The following ADGRV1 variants were observed in gnomAD, a reference collection of about 807,000 sequenced individuals.
ADGRV1 encodes G-protein coupled receptor 98.
In ADGRV1, 359 loss-of-function variants were observed where a neutral mutation model predicts 596.2. The ratio of observed to expected loss-of-function variants is 0.60; its 90% CI spans 0.55 to 0.66. ADGRV1 has a LOEUF of 0.66. ADGRV1 is among the 30% of genes least tolerant of loss of function. The probability of loss-of-function intolerance (pLI) is 0.00; values close to 1 mark genes in which losing one functional copy is unlikely to be tolerated. For synonymous variants in ADGRV1, 2,681 were observed against 2,679.2 expected (o/e 1.00, Z -0.02); for missense variants, 7,274 against 7,575.6 (o/e 0.96, Z 1.48).
intron 83 of ADGRV1, among the ~76,000 whole-genome samples, chr5:90,964,788 A>AAG (rs146609101): frequency 2.6e-5 from 4 of 151,048 alleles, no homozygotes; most frequent in Admixed American, 6.6e-5. Flanking sequence ...CTGGTTAAAA[A>AAG]AGAGAGAGAG....
rs1780497298 is a variant in ADGRV1 at position 90,986,273 on chromosome 5, T to C, written c.18152+751T>C. Among the ~76,000 whole-genome samples, 3 of 151,710 alleles carry C rather than the reference T, an allele frequency of 2.0e-5. No individual in the cohort carries two copies. The South Asian group carries it at 6.2e-4, about 32-fold the overall frequency. On this transcript the variant is annotated intron_variant, in intron 85 of 89. Coordinates refer to ENST00000405460, the MANE Select transcript of ADGRV1 (RefSeq NM_032119.4). ...ATAAGGAAGAGAAAAAGTAGAATTC[T>C]AAATAAGAAAAAATAGCCTATTCAC...
chr5:90,862,412 G>A (rs1767692436), intron 82 of ADGRV1, among the ~76,000 whole-genome samples: 1 of 151,944 alleles, frequency 6.6e-6, no homozygotes, highest in African/African-American at 2.4e-5. Flanking sequence ...GCACAGGCAT[G>A]CACATTCACA....
At position 90,689,848 on chromosome 5, in the gene ADGRV1, T is replaced by C. The variant is rs565953337; in HGVS notation, c.6491-13T>C. 6.3e-7 allele frequency: 1 copy of C among 1,586,918 alleles called. No homozygotes were observed. Among genetic ancestry groups the C allele is most frequent in the South Asian group, 1.1e-5 (1 of 89,120 alleles). On this transcript the variant is annotated splice_polypyrimidine_tract_variant and intron_variant, in intron 29 of 89. Transcript: ENST00000405460. The stretch of plus-strand genomic sequence containing the variant: ...TTTTAGAAGTCTTAACATTTTACTT[T>C]TGGTCTTTTCAGGTGAAGATTATAG...
chr5:90,665,482 C>T (rs1404377572), intron 21 of ADGRV1, among the ~76,000 whole-genome samples: 32 of 151,696 alleles, frequency 2.1e-4, no homozygotes, highest in African/African-American at 6.5e-4. Context: ...TTTTTTATTC[C>T]GTCTATTTGA....
chr5:91,123,393 G>A (rs1272014887), intron 87 of ADGRV1, among the ~76,000 whole-genome samples: 1 of 152,114 alleles, frequency 6.6e-6, no homozygotes, highest in East Asian at 1.9e-4. Flanking sequence ...TATCTAGTGA[G>A]GGCCTGTTTC....
chr5:91,106,033 A>G (rs1791842242), intron 87 of ADGRV1, among the ~76,000 whole-genome samples: 1 of 151,798 alleles, frequency 6.6e-6, no homozygotes, highest in Admixed American at 6.6e-5. Context: ...ATATGAATCT[A>G]TTTATAAAAT....
chr5:91,031,324 T>C, intron 85 of ADGRV1: 1 of 1,347,658 alleles, frequency 7.4e-7, no homozygotes, highest in Non-Finnish European at 1.1e-6. Flanking sequence ...CTGCACTTGC[T>C]AACAGATACA....
chr5:90,805,261 C>T, intron 71 of ADGRV1, 23 bp from the exon 72 acceptor site: 1 of 1,600,294 alleles, frequency 6.2e-7, no homozygotes, highest in Non-Finnish European at 8.6e-7. Context: ...AAATAAAATA[C>T]TCTAAGCATG....
chr5:90,711,552 A>C (rs1047522870), intron 41 of ADGRV1, among the ~76,000 whole-genome samples: 1 of 152,180 alleles, frequency 6.6e-6, no homozygotes, highest in Non-Finnish European at 1.5e-5. Flanking sequence ...TTCTGTATGC[A>C]TTAACTATTT....
chr5:90,643,015 C>T lies in ADGRV1; in HGVS notation c.2527C>T (p.Leu843=). 1 of 1,613,284 alleles carries T rather than the reference C, an allele frequency of 6.2e-7. No individual in the cohort carries two copies. ...AGAAAGGGAGATAGTGATCACCTTG[C>T]TAGCAAGATTGGATGGGATACCAGA... The part of the protein sequence containing the change: ...PGEREIVITL[L]ARLDGIPELD... Residue 843 remains leucine (L), a synonymous_variant, in exon 13 of 90, where the codon CTA becomes TTA. Transcript: ENST00000405460.
At chr5:91,044,942 A>G (rs1785665649) in intron 85 of ADGRV1, among the ~76,000 whole-genome samples, 1 of 152,172 alleles carries the variant, frequency 6.6e-6, no homozygotes, top group Non-Finnish European at 1.5e-5. Context: ...ATTCAGATGT[A>G]GGAAGATTAT....
chr5:90,795,350 G>C (rs1248830815), intron 70 of ADGRV1, among the ~76,000 whole-genome samples: 12 of 152,138 alleles, frequency 7.9e-5, no homozygotes, highest in Admixed American at 7.9e-4. Flanking sequence ...GCTTGAGTAG[G>C]TGGTTTTACC....
At chr5:90,619,295 A>C (rs1303785123) in intron 4 of ADGRV1, 114 bp downstream of exon 4, 10 of 485,838 alleles carry the variant, frequency 2.1e-5, no homozygotes, top group Admixed American at 4.1e-5. Context: ...ATTTAAATAA[A>C]ATTTGCTTTA....
chr5:90,850,641 C>G (rs1047040551), intron 79 of ADGRV1: 1 of 152,164 alleles, frequency 6.6e-6, no homozygotes, highest in Non-Finnish European at 1.5e-5. Context: ...TTTGCAATCC[C>G]CACAATCTCA....
chr5:90,784,585 GA>G (rs1320017315), intron 67 of ADGRV1, among the ~76,000 whole-genome samples: 1 of 152,172 alleles, frequency 6.6e-6, no homozygotes, highest in Non-Finnish European at 1.5e-5. Context: ...CATTTGGGCA[GA>G]AGGAACAATA....
At chr5:90,654,924 G>A (rs997844854) in intron 20 of ADGRV1, 2 of 152,126 alleles carry the variant, frequency 1.3e-5, no homozygotes, top group Non-Finnish European at 2.9e-5. Context: ...GAATGGAAAC[G>A]ATTGGGGGAA....
At chr5:90,964,690 T>C (rs1321020707) in intron 83 of ADGRV1, among the ~76,000 whole-genome samples, 2 of 151,554 alleles carry the variant, frequency 1.3e-5, no homozygotes, top group African/African-American at 4.9e-5. Context: ...GATCCTGTCT[T>C]TGCAGGGATT....
chr5:90,947,406 C>G (rs988444398), intron 83 of ADGRV1, among the ~76,000 whole-genome samples: 14 of 151,912 alleles, frequency 9.2e-5, no homozygotes, highest in Admixed American at 9.2e-4. Context: ...AGATAGATTG[C>G]AAAAATTTTC....
At chr5:90,980,118 A>G (rs965843875) in intron 84 of ADGRV1, among the ~76,000 whole-genome samples, 1 of 152,164 alleles carries the variant, frequency 6.6e-6, no homozygotes, top group Non-Finnish European at 1.5e-5. Context: ...GGTGATCATG[A>G]TATGCTGGTA....
Sources: allele counts gnomAD v4.1 joint callset (sites outside exome capture counted in the v4.1 genomes callset), GRCh38; gene constraint gnomAD v4.1.1; transcripts MANE v1.5; gene names NCBI Gene and HGNC (gene_info 2026-07-23, HGNC 2026-07-21).